The following ALMS1 variants were observed in gnomAD, a reference collection of about 807,000 sequenced individuals.
The protein encoded by ALMS1 is centrosome-associated protein ALMS1.
A neutral mutation model predicts 352.2 loss-of-function variants in ALMS1; 271 were observed. The observed-to-expected ratio is 0.77, with a 90% CI of 0.70 to 0.85. ALMS1 has a LOEUF of 0.85. Among genes scored for constraint, ALMS1 ranks in the 40% least tolerant of loss-of-function variants. ALMS1 has a pLI of 0.00. For synonymous variants in ALMS1, 1,865 were observed against 1,761.2 expected (o/e 1.06, Z -1.48); for missense variants, 5,445 against 4,870.7 (o/e 1.12, Z -3.51).
At chr2:73,427,897 T>G (rs1019677831) in intron 6 of ALMS1, among the ~76,000 whole-genome samples, 2 of 152,230 alleles carry the variant, frequency 1.3e-5, no homozygotes, top group African/African-American at 2.4e-5. Flanking sequence ...TACTTCTCTT[T>G]TCCTATGTAT....
chr2:73,545,460 C>T (rs1165298197), intron 12 of ALMS1, among the ~76,000 whole-genome samples: 1 of 152,172 alleles, frequency 6.6e-6, no homozygotes, highest in African/African-American at 2.4e-5. Flanking sequence ...GGACTATAGG[C>T]GTGAGCCACC....
chr2:73,505,943 T>C (rs1207672972), intron 10 of ALMS1, among the ~76,000 whole-genome samples: 4 of 152,248 alleles, frequency 2.6e-5, no homozygotes, highest in Non-Finnish European at 5.9e-5. Context: ...TTTAAGTCTT[T>C]AATCCATCTT....
chr2:73,609,170 C>T (rs929813670), intron 22 of ALMS1, among the ~76,000 whole-genome samples: 2 of 152,194 alleles, frequency 1.3e-5, no homozygotes, highest in Non-Finnish European at 1.5e-5. Context: ...TCCTTCTCAC[C>T]CTGTCAGTCA....
intron 9 of ALMS1, among the ~76,000 whole-genome samples, chr2:73,481,977 G>A (rs1046977495): frequency 6.6e-6 from 1 of 152,076 alleles, no homozygotes. Context: ...GAGATTTTGG[G>A]CTGAGACAGT....
chr2:73,603,163 G>T, intron 20 of ALMS1, 78 bp from the exon 21 acceptor site: 1 of 1,399,782 alleles, frequency 7.1e-7, no homozygotes, highest in Non-Finnish European at 1.0e-6. Context: ...AGTCCTAGCA[G>T]CTCCCTCTCC....
chr2:73,392,983 A>G (rs1043519055), intron 1 of ALMS1, among the ~76,000 whole-genome samples: 2 of 152,102 alleles, frequency 1.3e-5, no homozygotes, highest in Non-Finnish European at 2.9e-5. Flanking sequence ...CCACATCCTT[A>G]TCAGCACTTG....
intron 21 of ALMS1, 156 bp downstream of exon 21, chr2:73,603,460 A>T (rs1185619431): frequency 5.7e-6 from 4 of 698,938 alleles, no homozygotes; most frequent in Non-Finnish European, 1.0e-5. Flanking sequence ...CACTGAAAAA[A>T]AAAAAAGCAC....
chr2:73,483,786 G>C (rs1454040972), intron 9 of ALMS1, among the ~76,000 whole-genome samples: 1 of 147,358 alleles, frequency 6.8e-6, no homozygotes, highest in African/African-American at 2.5e-5. Context: ...ATTTAGGATA[G>C]TTAGCTCTTC....
chr2:73,512,097 ACT>A (rs1447653066), intron 10 of ALMS1, among the ~76,000 whole-genome samples: 2 of 151,876 alleles, frequency 1.3e-5, no homozygotes, highest in African/African-American at 4.8e-5. Context: ...ATGGAGTCTC[ACT>A]CTGTCACCCA....
intron 19 of ALMS1, among the ~76,000 whole-genome samples, chr2:73,601,730 G>T (rs923539735): frequency 6.6e-6 from 1 of 152,262 alleles, no homozygotes; most frequent in Non-Finnish European, 1.5e-5. Context: ...TGTGTGGAGG[G>T]CCCGGAGGCC....
At chr2:73,396,914 G>A (rs1201290038) in intron 1 of ALMS1, among the ~76,000 whole-genome samples, 1 of 152,148 alleles carries the variant, frequency 6.6e-6, no homozygotes, top group African/African-American at 2.4e-5. Context: ...AAAGTGCTAG[G>A]ATTACAGGCT....
At position 73,425,643 on chromosome 2, in the gene ALMS1, C is replaced by G. The variant is rs749822223; in HGVS notation, c.1237+741C>G. Among the ~76,000 whole-genome samples the G allele has an allele frequency of 3.1e-4, 47 of 152,046 alleles. 1 individual carries two copies. The highest frequency in any genetic ancestry group is 6.2e-4 in the Non-Finnish European group (42 of 68,014). On this transcript the variant is annotated intron_variant, in intron 5 of 22. Transcript: ENST00000613296. ...GAAAGAGAGTACAGTAAATGAAATCCAAGCTGACATCAATAAATATTTAAC... is the reference window on the plus strand; with the variant it reads ...GAAAGAGAGTACAGTAAATGAAATCGAAGCTGACATCAATAAATATTTAAC...
At position 73,491,485 on chromosome 2, in the gene ALMS1, G is replaced by A. The variant is rs1441985701; in HGVS notation, c.9526G>A (p.Val3176Ile). 2.5e-6 allele frequency: 4 copies of A among 1,614,000 alleles called. No homozygotes were observed. The highest frequency in any genetic ancestry group is 1.3e-5 in the African/African-American group (1 of 75,058). ...EGHSNPEGTP[V>I]FADRLPEKMK... ...ACATTCCAATCCAGAGGGGACCCCA[G>A]TATTTGCAGATCGGTGAGTCTCATT... Residue 3176 changes from valine (V) to isoleucine (I), a missense_variant, in exon 10 of 23, where the codon GTA becomes ATA. Physicochemically the swap from Val to Ile is conservative, Grantham distance 29. Transcript: ENST00000613296.
chr2:73,558,876 T>C (rs1573019316), intron 14 of ALMS1, 96 bp from the exon 15 acceptor site: 2 of 1,334,490 alleles, frequency 1.5e-6, no homozygotes, highest in East Asian at 4.9e-5. Flanking sequence ...TCAATATCAG[T>C]AACAAAGCCT....
intron 9 of ALMS1, chr2:73,459,019 A>G (rs1373669559): frequency 6.6e-6 from 1 of 152,130 alleles, no homozygotes; most frequent in Non-Finnish European, 1.5e-5. Flanking sequence ...ATTAATGTTG[A>G]TGAAAAACCT....
chr2:73,604,411 A>G (rs1305248213), intron 21 of ALMS1, among the ~76,000 whole-genome samples: 4 of 152,232 alleles, frequency 2.6e-5, no homozygotes, highest in Non-Finnish European at 5.9e-5. Flanking sequence ...AAAATAATAA[A>G]TACAATTTTT....
At chr2:73,542,295 A>T (rs1174977814) in intron 12 of ALMS1, among the ~76,000 whole-genome samples, 1 of 152,226 alleles carries the variant, frequency 6.6e-6, no homozygotes, top group Admixed American at 6.5e-5. Flanking sequence ...AGATGCAGAA[A>T]AGGCCTTTGA....
intron 9 of ALMS1, among the ~76,000 whole-genome samples, chr2:73,464,700 T>C (rs1022585964): frequency 6.6e-5 from 10 of 152,084 alleles, no homozygotes; most frequent in African/African-American, 1.4e-4. Context: ...GAAAACCCCG[T>C]TGTCTCAGCC....
At position 73,609,694 on chromosome 2, in the gene ALMS1, TG is replaced by T; in HGVS notation, c.*83del. ...GAATCCTTACTTTTGTGAGTCTGGT[TG>T]AATAAAGCTTATTCTTTGTCCATGT... On this transcript the variant is annotated 3_prime_UTR_variant, in exon 23 of 23. Transcript: ENST00000613296. 7.6e-7 allele frequency: 1 copy of T among 1,321,050 alleles called. No homozygotes were observed. The highest frequency in any genetic ancestry group is 1.1e-6 in the Non-Finnish European group (1 of 914,404). The allele number at this position is 1,321,050 out of a possible 1,614,324, so 81.8% of individuals were successfully genotyped here. A position where few individuals can be genotyped will look rare whatever the true frequency, so the allele number is the denominator to read the frequency against.
Sources: gnomAD v4.1 joint callset for allele counts (sites outside exome capture counted in the v4.1 genomes callset) on GRCh38, gnomAD v4.1.1 for gene constraint, MANE v1.5 for transcripts, NCBI Gene and HGNC (gene_info 2026-07-23, HGNC 2026-07-21) for gene names.